CRBN: variants seen among roughly 807,000 people sequenced by gnomAD.
CRBN encodes protein cereblon.
In CRBN, 53 loss-of-function variants were observed where a neutral mutation model predicts 62.2. The observed-to-expected ratio is 0.85, with a 90% CI of 0.68 to 1.07. The LOEUF (loss-of-function observed/expected upper bound fraction) is 1.07. CRBN is among the 50% of genes least tolerant of loss of function. The pLI, the probability that CRBN is intolerant of heterozygous loss-of-function variation, is 0.00. For synonymous variants in CRBN, 208 were observed against 176.1 expected (o/e 1.18, Z -1.43); for missense variants, 616 against 531.1 (o/e 1.16, Z -1.57).
rs537831570 is a variant in CRBN, at chr3:3,162,765, C to T, written c.687+4869G>A. Among the ~76,000 whole-genome samples, 6 of 152,284 alleles carry T rather than the reference C, an allele frequency of 3.9e-5. 1 individual carries two copies. The South Asian group carries it at 1.2e-3, about 32-fold the overall frequency. On this transcript the variant is annotated intron_variant, in intron 5 of 10. Coordinates refer to ENST00000231948, the MANE Select transcript of CRBN (RefSeq NM_016302.4). ...GCTTGAGTTAGCTTAGTTATGTAAG[C>T]ATCTCCCAACTCTGACCATTTTAAC...
chr3:3,172,736 G>A (rs1454866047), intron 4 of CRBN, 40 bp downstream of exon 4: 3 of 1,589,664 alleles, frequency 1.9e-6, no homozygotes, highest in Non-Finnish European at 2.6e-6. Context: ...ATTTCATTAG[G>A]AAACATTCAA....
intron 5 of CRBN, among the ~76,000 whole-genome samples, chr3:3,162,583 G>T (rs1707185063): frequency 6.6e-6 from 1 of 152,154 alleles, no homozygotes; most frequent in Non-Finnish European, 1.5e-5. Flanking sequence ...ACTTCCAGAA[G>T]CTTAAATAAT....
chr3:3,178,404 C>T (rs766723341), intron 1 of CRBN, among the ~76,000 whole-genome samples: 70 of 152,156 alleles, frequency 4.6e-4, no homozygotes, highest in Non-Finnish European at 7.2e-4. Context: ...TTTCTTTAGG[C>T]AATTACCTGA....
intron 9 of CRBN, chr3:3,152,840 C>T (rs1706674927): frequency 3.9e-6 from 2 of 518,694 alleles, no homozygotes; most frequent in Non-Finnish European, 6.9e-6. Flanking sequence ...TTTTTAAAAC[C>T]CTCCTCAAGA....
intron 5 of CRBN, among the ~76,000 whole-genome samples, chr3:3,157,085 G>A (rs555239265): frequency 6.6e-6 from 1 of 152,208 alleles, no homozygotes; most frequent in African/African-American, 2.4e-5. Context: ...TTTAAAGTTC[G>A]TTTGGAAACA....
chr3:3,179,287 G>A (rs1391982755), intron 1 of CRBN, among the ~76,000 whole-genome samples: 2 of 152,196 alleles, frequency 1.3e-5, no homozygotes, highest in Non-Finnish European at 2.9e-5. Flanking sequence ...AAAAGTAACC[G>A]CTGTGAATCT....
intron 10 of CRBN, among the ~76,000 whole-genome samples, chr3:3,151,908 C>G (rs187822001): frequency 6.6e-6 from 1 of 152,162 alleles, no homozygotes; most frequent in Admixed American, 6.5e-5. Flanking sequence ...GCTTTGTAAA[C>G]ATTCTCCGGT....
Position 3,174,191 on chromosome 3 carries a change from G to C in CRBN, c.245C>G (p.Pro82Arg). ...GATCATCATCACTTGTGGAAGAACT[G>C]GAATCACCTGACAGCTGTCGTCATC... ...LHDDDSCQVI[P>R]VLPQVMMILI... The change falls in exon 3 of 11, where the codon CCA becomes CGA. Residue 82 changes from proline to arginine, a missense_variant. Pro to Arg is a moderately radical substitution (Grantham distance 103). Transcript: ENST00000231948. 6.2e-7 allele frequency: 1 copy of C among 1,614,156 alleles called. No individual in the cohort carries two copies. The highest frequency in any genetic ancestry group is 8.5e-7 in the Non-Finnish European group (1 of 1,180,024).
In CRBN at chr3:3,167,669, G is replaced by C. The variant is rs1346691465; in HGVS notation, c.652C>G (p.Gln218Glu). Residue 218 changes from glutamine (Q) to glutamate (E), a missense_variant, in exon 5 of 11, where the codon CAA becomes GAA. Gln to Glu is a conservative substitution (Grantham distance 29, BLOSUM62 2). Transcript: ENST00000231948. Reference protein sequence around the residue: ...FPSKPVSREDQCSYKWWQKYQ... With the variant: ...FPSKPVSREDECSYKWWQKYQ... ...TTCTGCCACCATTTATATGAACATT[G>C]GTCTTCTCTTGAGACAGGTTTTGAA... is the stretch of plus-strand genomic sequence containing the variant. 6.2e-7 allele frequency: 1 copy of C among 1,612,978 alleles called. No individual in the cohort carries two copies. The highest frequency in any genetic ancestry group is 8.5e-7 in the Non-Finnish European group (1 of 1,179,400).
chr3:3,152,619 C>T, intron 9 of CRBN, 32 bp from the exon 10 acceptor site: 1 of 1,613,508 alleles, frequency 6.2e-7, no homozygotes. Context: ...GAGAACACGT[C>T]AAAACGAGAA....
At chr3:3,157,857 T>C (rs1706967257) in intron 5 of CRBN, among the ~76,000 whole-genome samples, 1 of 152,182 alleles carries the variant, frequency 6.6e-6, no homozygotes, top group African/African-American at 2.4e-5. Context: ...ATGGGAACTT[T>C]TATTATCAAA....
At chr3:3,163,032 C>T (rs898386536) in intron 5 of CRBN, among the ~76,000 whole-genome samples, 1 of 152,178 alleles carries the variant, frequency 6.6e-6, no homozygotes, top group Non-Finnish European at 1.5e-5. Flanking sequence ...AGATATCTGC[C>T]ATCCCCTTTC....
Position 3,167,703 on chromosome 3 carries a change from C to T in CRBN, c.618G>A (p.Gln206=), listed in dbSNP as rs766308786. ...AVQLESLNKC[Q]IFPSKPVSRE... is the part of the protein sequence containing the mutation. The stretch of plus-strand genomic sequence containing the variant: ...TTGAGACAGGTTTTGAAGGAAATAT[C>T]TGGCACTTATTGAGGGATTCTAATT... Residue 206 remains glutamine (Q), a synonymous_variant, in exon 5 of 11, where the codon CAG becomes CAA. Transcript: ENST00000231948. 6.2e-7 allele frequency: 1 copy of T among 1,613,602 alleles called. No individual in the cohort carries two copies. The highest frequency in any genetic ancestry group is 2.2e-5 in the East Asian group (1 of 44,814).
chr3:3,149,654 A>G (rs1706343695), downstream of CRBN: 1 of 152,114 alleles, frequency 6.6e-6, no homozygotes, highest in African/African-American at 2.4e-5. Flanking sequence ...CAAAATTATT[A>G]AAGTAGTAAA....
At chr3:3,167,943 A>G (rs1575094906) in intron 4 of CRBN, 150 bp from the exon 5 acceptor site, 1 of 697,356 alleles carries the variant, frequency 1.4e-6, no homozygotes. Flanking sequence ...TAAGATACAG[A>G]AACTTTCAGA....
At chr3:3,160,623 T>G (rs1404773829) in intron 5 of CRBN, among the ~76,000 whole-genome samples, 2 of 152,202 alleles carry the variant, frequency 1.3e-5, no homozygotes, top group Admixed American at 1.3e-4. Flanking sequence ...AGTCAATAAA[T>G]GTTACTGTTC....
intron 7 of CRBN, 117 bp downstream of exon 7, chr3:3,154,630 T>A (rs1347060168): frequency 1.3e-5 from 9 of 690,670 alleles, no homozygotes; most frequent in Non-Finnish European, 2.3e-5. Flanking sequence ...CTTTTCAGAA[T>A]TAAAATGTTT....
intron 4 of CRBN, among the ~76,000 whole-genome samples, chr3:3,169,304 C>T (rs1388578705): frequency 1.3e-5 from 2 of 152,126 alleles, no homozygotes; most frequent in Admixed American, 6.5e-5. Context: ...TTAACATAAG[C>T]TAGTTTTTTT....
At chr3:3,153,539 T>C in intron 8 of CRBN, 51 bp from the exon 9 acceptor site, 1 of 972,548 alleles carries the variant, frequency 1.0e-6, no homozygotes, top group South Asian at 1.3e-5. Context: ...GCATTCACTT[T>C]ATCATGTAAT....
Sources: gnomAD v4.1 joint callset for allele counts (sites outside exome capture counted in the v4.1 genomes callset) on GRCh38, gnomAD v4.1.1 for gene constraint, MANE v1.5 for transcripts, NCBI Gene and HGNC (gene_info 2026-07-23, HGNC 2026-07-21) for gene names.